DYNC1I1: variants seen among roughly 807,000 people sequenced by gnomAD.
DYNC1I1 encodes dynein cytoplasmic 1 intermediate chain 1, also known as cytoplasmic dynein 1 intermediate chain 1.
Under a neutral mutation model 86.6 loss-of-function variants are expected in DYNC1I1, and 43 were observed. The ratio of observed to expected loss-of-function variants is 0.50; its 90% CI spans 0.39 to 0.64. The LOEUF (loss-of-function observed/expected upper bound fraction) is 0.64, where lower values mean the gene tolerates loss of function less well. DYNC1I1 is among the 30% of genes least tolerant of loss of function. The pLI is 0.00. For synonymous variants in DYNC1I1, 262 were observed against 283.7 expected, an observed-to-expected ratio of 0.92 and a Z score of 0.77; for missense variants, 604 against 788.8, an observed-to-expected ratio of 0.77 and a Z score of 2.81.
chr7:95,791,041 TAGA>T (rs1329471634), intron 1 of DYNC1I1, among the ~76,000 whole-genome samples: 2 of 152,234 alleles, frequency 1.3e-5, no homozygotes, highest in African/African-American at 4.8e-5. Flanking sequence ...TTTATAGTTT[TAGA>T]AGATTAGAAT....
At chr7:95,901,338 G>A (rs1419440617) in intron 6 of DYNC1I1, among the ~76,000 whole-genome samples, 1 of 152,230 alleles carries the variant, frequency 6.6e-6, no homozygotes, top group Non-Finnish European at 1.5e-5. Context: ...AGTACAGGCT[G>A]TAGTAAAAGG....
intron 14 of DYNC1I1, among the ~76,000 whole-genome samples, chr7:96,052,099 C>G (rs1349996508): frequency 6.6e-6 from 1 of 152,018 alleles, no homozygotes; most frequent in African/African-American, 2.4e-5. Context: ...TGCTTGGGAC[C>G]TGGTAGGCAC....
At chr7:95,949,246 T>C (rs1390910948) in intron 6 of DYNC1I1, among the ~76,000 whole-genome samples, 1 of 152,222 alleles carries the variant, frequency 6.6e-6, no homozygotes, top group Non-Finnish European at 1.5e-5. Context: ...TGCTTAGTCA[T>C]AAAATGTAGC....
chr7:95,789,604 T>G (rs1315337927), intron 1 of DYNC1I1, among the ~76,000 whole-genome samples: 1 of 152,182 alleles, frequency 6.6e-6, no homozygotes, highest in Non-Finnish European at 1.5e-5. Flanking sequence ...ACAGGTTCCA[T>G]GTATACCCAA....
chr7:95,945,700 GTA>G (rs10581409), intron 6 of DYNC1I1, among the ~76,000 whole-genome samples: 99,965 of 151,784 alleles, frequency 0.66, 34,439 homozygotes, highest in East Asian at 0.9. Flanking sequence ...AAAAATATAT[GTA>G]TATATATCTT....
At chr7:95,803,579 C>T (rs1794633026) in intron 1 of DYNC1I1, among the ~76,000 whole-genome samples, 1 of 152,198 alleles carries the variant, frequency 6.6e-6, no homozygotes, top group Non-Finnish European at 1.5e-5. Context: ...TTCATGATTA[C>T]CGTCTGGGGA....
At chr7:96,002,368 A>T (rs908252128) in intron 10 of DYNC1I1, among the ~76,000 whole-genome samples, 5 of 152,216 alleles carry the variant, frequency 3.3e-5, no homozygotes, top group Admixed American at 3.3e-4. Flanking sequence ...CTAAATGATG[A>T]TGAGGTATTT....
intron 1 of DYNC1I1, among the ~76,000 whole-genome samples, chr7:95,795,653 A>G (rs776708758): frequency 6.6e-6 from 1 of 152,136 alleles, no homozygotes. Context: ...ACCAAATACC[A>G]GATGTTCTTA....
intron 14 of DYNC1I1, among the ~76,000 whole-genome samples, chr7:96,074,550 CAA>C (rs61571160): frequency 0.06 from 3,997 of 66,702 alleles, 40 homozygotes; most frequent in South Asian, 0.1. Context: ...GACTCCGTCT[CAA>C]AAAAAAAAAA....
intron 2 of DYNC1I1, among the ~76,000 whole-genome samples, chr7:95,806,248 C>G (rs1794697681): frequency 6.6e-6 from 1 of 152,192 alleles, no homozygotes; most frequent in South Asian, 2.1e-4. Flanking sequence ...TCCTTTTAAA[C>G]TGACATTCTA....
intron 6 of DYNC1I1, among the ~76,000 whole-genome samples, chr7:95,972,542 G>A (rs906860314): frequency 2.7e-5 from 3 of 112,428 alleles, no homozygotes; most frequent in South Asian, 2.5e-4. Flanking sequence ...TCACCAATCC[G>A]GATTGCTGCA....
intron 3 of DYNC1I1, among the ~76,000 whole-genome samples, chr7:95,811,984 GA>G (rs1486349197): frequency 1.3e-5 from 2 of 152,114 alleles, no homozygotes; most frequent in Non-Finnish European, 2.9e-5. Flanking sequence ...TCTAAACCAT[GA>G]CCAACTTTTG....
chr7:95,800,420 G>A (rs1189331657), intron 1 of DYNC1I1, among the ~76,000 whole-genome samples: 1 of 152,102 alleles, frequency 6.6e-6, no homozygotes, highest in East Asian at 1.9e-4. Context: ...TGGGGGTGGA[G>A]GGAGATAAGA....
chr7:96,095,804 C>T (rs1240235521), intron 16 of DYNC1I1, among the ~76,000 whole-genome samples: 2 of 151,808 alleles, frequency 1.3e-5, no homozygotes, highest in Non-Finnish European at 2.9e-5. Flanking sequence ...GCCTCATTTT[C>T]CAGGTGGAGT....
At chr7:95,949,690 G>A (rs1584191809) in intron 6 of DYNC1I1, among the ~76,000 whole-genome samples, 1 of 152,200 alleles carries the variant, frequency 6.6e-6, no homozygotes, top group African/African-American at 2.4e-5. Flanking sequence ...TCATCAGTGA[G>A]GATTTAAGAG....
chr7:96,043,033 GC>G (rs1789100722), intron 14 of DYNC1I1, among the ~76,000 whole-genome samples: 1 of 151,870 alleles, frequency 6.6e-6, no homozygotes, highest in African/African-American at 2.4e-5. Context: ...GGTGGGGTCT[GC>G]CTATAATCTC....
chr7:95,923,040 A>G (rs1183934683), intron 6 of DYNC1I1, among the ~76,000 whole-genome samples: 1 of 152,094 alleles, frequency 6.6e-6, no homozygotes, highest in East Asian at 1.9e-4. Flanking sequence ...TTTAATTCAG[A>G]GTTTTAATTT....
At chr7:95,945,726 T>C (rs1258620541) in intron 6 of DYNC1I1, among the ~76,000 whole-genome samples, 1 of 152,116 alleles carries the variant, frequency 6.6e-6, no homozygotes, top group East Asian at 1.9e-4. Flanking sequence ...TAGTGGAGGA[T>C]TAATGAGGTG....
chr7:96,030,341 T>TGG (rs1794779838), intron 11 of DYNC1I1, among the ~76,000 whole-genome samples: 2 of 107,632 alleles, frequency 1.9e-5, no homozygotes, highest in African/African-American at 6.6e-5. Context: ...TGTGTGTGTG[T>TGG]GTGTGTGTGT....
Sources: allele counts gnomAD v4.1 joint callset (sites outside exome capture counted in the v4.1 genomes callset), GRCh38; gene constraint gnomAD v4.1.1; transcripts MANE v1.5; gene names NCBI Gene and HGNC (gene_info 2026-07-23, HGNC 2026-07-21).